COL8A1: variants seen among roughly 807,000 people sequenced by gnomAD.
The protein encoded by COL8A1 is collagen alpha-1(VIII) chain.
In COL8A1, 21 loss-of-function variants were observed where a neutral mutation model predicts 42.7. The ratio of observed to expected loss-of-function variants is 0.49; its 90% confidence interval spans 0.35 to 0.71. COL8A1 has a LOEUF of 0.71. COL8A1 is among the 30% of genes least tolerant of loss of function. The pLI is 0.01. For missense variants in COL8A1, 788 were observed against 962.4 expected, an observed-to-expected ratio of 0.82 and a Z score of 2.40; for synonymous variants, 367 against 369.1, an observed-to-expected ratio of 0.99 and a Z score of 0.06.
rs6805314 is a variant in COL8A1 at position 99,696,692 on chromosome 3, C to G, written c.-128-48205C>G. On this transcript the variant is annotated intron_variant, in intron 1 of 3. Transcript: ENST00000652472. ...GACTGGGCAGCCATTCATCAGTCCCCGGGGTTACGCAATTAATGCAGCATC... is the reference window on the plus strand; with the variant it reads ...GACTGGGCAGCCATTCATCAGTCCCGGGGGTTACGCAATTAATGCAGCATC... Among the ~76,000 whole-genome samples the G allele has an allele frequency of 1.6e-3, 244 of 152,266 alleles. 1 individual carries two copies. The highest frequency in any genetic ancestry group is 3.1e-3 in the Admixed American group (48 of 15,298).
chr3:99,668,151 C>G (rs1248843731), intron 1 of COL8A1, among the ~76,000 whole-genome samples: 1 of 151,886 alleles, frequency 6.6e-6, no homozygotes, highest in Non-Finnish European at 1.5e-5. Flanking sequence ...TAAACTTTGG[C>G]AATGCTATTA....
chr3:99,737,706 G>A (rs1022678509), intron 1 of COL8A1, among the ~76,000 whole-genome samples: 3 of 151,898 alleles, frequency 2.0e-5, no homozygotes, highest in South Asian at 2.1e-4. Flanking sequence ...TATGTGTCTC[G>A]GAGTTGCTCT....
intron 1 of COL8A1, among the ~76,000 whole-genome samples, chr3:99,708,531 C>T (rs965240962): frequency 1.3e-5 from 2 of 150,450 alleles, no homozygotes; most frequent in African/African-American, 2.4e-5. Flanking sequence ...CCCACTTCCT[C>T]CGCCCTTCTT....
rs1459180008 is a variant in COL8A1 at position 99,794,109 on chromosome 3, A to G, written c.329-121A>G. 4.6e-6 allele frequency: 3 copies of G among 647,930 alleles called. No individual in the cohort carries two copies. The highest frequency in any genetic ancestry group is 7.9e-6 in the Non-Finnish European group (3 of 377,788). The allele number at this position is 647,930 out of a possible 1,614,324, so 40.1% of individuals were successfully genotyped here. On this transcript the variant is annotated intron_variant, in intron 3 of 3. Transcript: ENST00000652472. This position sits in a 1 kb window ranked among gnomAD's most constrained non-coding sequence, Gnocchi z 4.3. ...TTCCTAGTCTTTTCTCTTGATAAGTATTAGGCAAATGTGTCAGAACTAAAT... is the reference window on the plus strand; with the variant it reads ...TTCCTAGTCTTTTCTCTTGATAAGTGTTAGGCAAATGTGTCAGAACTAAAT...
At chr3:99,713,196 CAG>C (rs1939897114) in intron 1 of COL8A1, among the ~76,000 whole-genome samples, 1 of 152,136 alleles carries the variant, frequency 6.6e-6, no homozygotes, top group South Asian at 2.1e-4. Context: ...GGCTGAGGAA[CAG>C]AGAAATTCAA....
At chr3:99,785,909 A>G (rs1424684195) in intron 2 of COL8A1, among the ~76,000 whole-genome samples, 1 of 152,194 alleles carries the variant, frequency 6.6e-6, no homozygotes, top group Non-Finnish European at 1.5e-5. Flanking sequence ...AGAAAACTAT[A>G]TGGTAGGACT....
chr3:99,737,367 G>A (rs1717602), intron 1 of COL8A1, among the ~76,000 whole-genome samples: 71,227 of 151,408 alleles, frequency 0.47, 16,987 homozygotes, highest in East Asian at 0.63. Flanking sequence ...GGCTGGTACC[G>A]GTTGTTCCAT....
In COL8A1 at chr3:99,799,121, T is replaced by G. The variant is rs1177335926; in HGVS notation, c.*2985T>G. The stretch of plus-strand genomic sequence containing the variant: ...TGAACAGACTGGTAACTTGTTTGAG[T>G]TCCCATGACAGATTTGAGACTTGTC... On this transcript the variant is annotated 3_prime_UTR_variant, in exon 4 of 4. Transcript: ENST00000652472. 6.6e-6 allele frequency: 1 copy of G among 152,232 alleles called. No homozygotes were observed. The highest frequency in any genetic ancestry group is 1.5e-5 in the Non-Finnish European group (1 of 68,032). 9.4% of individuals were successfully genotyped at this position (152,232 alleles called of 1,614,324 possible).
intron 1 of COL8A1, chr3:99,707,004 T>C (rs1277489419): frequency 2.0e-5 from 3 of 152,008 alleles, no homozygotes; most frequent in Admixed American, 6.6e-5. Flanking sequence ...CAACTTACAA[T>C]GATACAAATA....
chr3:99,731,335 T>C (rs1940502969), intron 1 of COL8A1, among the ~76,000 whole-genome samples: 1 of 152,108 alleles, frequency 6.6e-6, no homozygotes, highest in South Asian at 2.1e-4. Context: ...TGCAGTGCTC[T>C]GGAGGAAGAG....
intron 1 of COL8A1, among the ~76,000 whole-genome samples, chr3:99,728,710 T>G (rs141612634): frequency 6.7e-6 from 1 of 149,998 alleles, no homozygotes; most frequent in South Asian, 2.1e-4. Flanking sequence ...ATTAATTAAT[T>G]GTATGGTTAA....
At chr3:99,681,503 G>A (rs1046177903) in intron 1 of COL8A1, among the ~76,000 whole-genome samples, 2 of 152,190 alleles carry the variant, frequency 1.3e-5, no homozygotes, top group African/African-American at 2.4e-5. Context: ...AAGTTTAAAG[G>A]AGGTAGAAAG....
chr3:99,791,655 G>A (rs1942003318), intron 3 of COL8A1, among the ~76,000 whole-genome samples: 1 of 152,166 alleles, frequency 6.6e-6, no homozygotes, highest in Admixed American at 6.5e-5. Context: ...GACACTTGAC[G>A]ATAAATTCAT....
At chr3:99,771,194 AG>A (rs150369511) in intron 2 of COL8A1, among the ~76,000 whole-genome samples, 1,600 of 152,334 alleles carry the variant, frequency 0.011, 19 homozygotes, top group Middle Eastern at 0.017. Context: ...AAGTCACCAA[AG>A]GGAGTCTGGA....
intron 1 of COL8A1, among the ~76,000 whole-genome samples, chr3:99,729,460 A>AT (rs955549375): frequency 4.0e-5 from 6 of 151,730 alleles, no homozygotes; most frequent in African/African-American, 1.2e-4. Context: ...CATGGGTTTT[A>AT]TTTTTTTTAA....
At chr3:99,675,318 T>G (rs984595355) in intron 1 of COL8A1, among the ~76,000 whole-genome samples, 1 of 152,104 alleles carries the variant, frequency 6.6e-6, no homozygotes, top group Non-Finnish European at 1.5e-5. Flanking sequence ...TTATAGAAGA[T>G]TAGGAGTGCC....
chr3:99,650,693 C>G lies in COL8A1; in HGVS notation c.-129+12029C>G, dbSNP rs1449793376. Among the ~76,000 whole-genome samples the G allele has an allele frequency of 2.0e-5, 3 of 152,288 alleles. No homozygotes were observed. The East Asian group carries it at 5.8e-4, about 29-fold the overall frequency. On this transcript the variant is annotated intron_variant, in intron 1 of 3. Transcript: ENST00000652472. ...AGGTGCTCTCCCCACCTCGGCCTCC[C>G]AAAGTGCTAGGACTACTAAGCACTT...
At chr3:99,730,538 A>G (rs1940473530) in intron 1 of COL8A1, among the ~76,000 whole-genome samples, 1 of 152,146 alleles carries the variant, frequency 6.6e-6, no homozygotes, top group African/African-American at 2.4e-5. Context: ...CATGCACTCA[A>G]TGGAGTCATT....
chr3:99,668,227 G>T (rs190047490), intron 1 of COL8A1, among the ~76,000 whole-genome samples: 4 of 152,156 alleles, frequency 2.6e-5, no homozygotes, highest in Admixed American at 6.6e-5. Context: ...TGTGGAAAAA[G>T]AAATTCCTGA....
Sources: allele counts gnomAD v4.1 joint callset (sites outside exome capture counted in the v4.1 genomes callset), GRCh38; gene constraint gnomAD v4.1.1; non-coding constraint Gnocchi (gnomAD v3.1); transcripts MANE v1.5; gene names NCBI Gene and HGNC (gene_info 2026-07-23, HGNC 2026-07-21).